MAN2C1: variants seen among roughly 807,000 people sequenced by gnomAD.
The protein encoded by MAN2C1 is mannosidase alpha class 2C member 1.
Under a neutral mutation model 126.9 loss-of-function variants are expected in MAN2C1, and 111 were observed. The ratio of observed to expected loss-of-function variants is 0.87; its 90% CI spans 0.75 to 1.02. The LOEUF (loss-of-function observed/expected upper bound fraction) is 1.02, where lower values mean the gene tolerates loss of function less well. MAN2C1 is among the 50% of genes least tolerant of loss of function. MAN2C1 has a pLI of 0.00. For synonymous variants in MAN2C1, 567 were observed against 561.5 expected, an observed-to-expected ratio of 1.01 and a Z score of -0.14; for missense variants, 1,363 against 1,364.4, an observed-to-expected ratio of 1.00 and a Z score of 0.02.
Position 75,362,553 on chromosome 15 carries a change from C to T in MAN2C1, c.897+89G>A. ...GTGTGGCTGAGGGTGAGGAGCAGCCCTGACCCCAGGCCTGGGAAGCCTTCA... is the reference window on the plus strand; with the variant it reads ...GTGTGGCTGAGGGTGAGGAGCAGCCTTGACCCCAGGCCTGGGAAGCCTTCA... On this transcript the variant is annotated intron_variant, in intron 7 of 25. Transcript: ENST00000267978. The surrounding 1 kb of genome is among the most constrained non-coding windows in gnomAD (Gnocchi z 4.5). 6.5e-7 allele frequency: 1 copy of T among 1,535,480 alleles called. No individual in the cohort carries two copies. Among genetic ancestry groups the T allele is most frequent in the Middle Eastern group, 1.8e-4 (1 of 5,620 alleles).
Position 75,360,609 on chromosome 15 carries a change from G to A in MAN2C1, c.1540C>T (p.Leu514Phe), listed in dbSNP as rs1357899986. The change falls in exon 13 of 26, where the codon CTC becomes TTC. Residue 514 changes from leucine (L) to phenylalanine (F), a missense_variant. By Grantham distance (22) the Leu-to-Phe change is conservative. This residue lies in a region of MAN2C1 where 67 missense variants were observed against 104.5 expected (regional missense o/e 0.64). Transcript: ENST00000267978. ...SEQLCTWVGE[L>F]FLELHNGTYT... ...GTGCCATTGTGCAGCTCCAAGAAGA[G>A]CTCCCCAACCCACGTGCACAGCTGC... is the stretch of plus-strand genomic sequence containing the variant. 2 of 1,613,884 alleles carry A rather than the reference G, an allele frequency of 1.2e-6. No homozygotes were observed. Among genetic ancestry groups the A allele is most frequent in the Non-Finnish European group, 1.7e-6 (2 of 1,179,984 alleles).
At position 75,367,501 on chromosome 15, in the gene MAN2C1, G is replaced by A; in HGVS notation, c.351+10C>T. Reference sequence around the variant, plus strand: ...GTGGCCATACCTGGCCCTAGGACAGGGTTCCTCACCTGGACAGGTTCTCCA... The same window carrying A: ...GTGGCCATACCTGGCCCTAGGACAGAGTTCCTCACCTGGACAGGTTCTCCA... On this transcript the variant is annotated intron_variant, in intron 3 of 25. Coordinates refer to ENST00000267978, the MANE Select transcript of MAN2C1 (RefSeq NM_006715.4). 1 of 1,613,568 alleles carries A rather than the reference G, an allele frequency of 6.2e-7. No individual in the cohort carries two copies. Among genetic ancestry groups the A allele is most frequent in the South Asian group, 1.1e-5 (1 of 91,052 alleles).
intron 18 of MAN2C1, 28 bp downstream of exon 18, chr15:75,359,031 C>T: frequency 6.2e-7 from 1 of 1,611,934 alleles, no homozygotes; most frequent in East Asian, 2.2e-5. Flanking sequence ...TTGCCAGGCA[C>T]TGGGAAAGGG....
intron 21 of MAN2C1, 130 bp from the exon 22 acceptor site, chr15:75,357,032 CG>C: frequency 4.2e-6 from 3 of 719,630 alleles, no homozygotes; most frequent in East Asian, 2.7e-5. Flanking sequence ...TCCCACTGTA[CG>C]GGGCCCTGGG....
chr15:75,361,569 C>G lies in MAN2C1; in HGVS notation c.1218+35G>C. ...CAAATGGGCCAGGCGGGACTGAGGC[C>G]CACTCTGACCCTGACCCCCCGGGGG... is the stretch of plus-strand genomic sequence containing the variant. On this transcript the variant is annotated intron_variant, in intron 10 of 25. Transcript: ENST00000267978. The surrounding 1 kb of genome is among the most constrained non-coding windows in gnomAD (Gnocchi z 5.0). 6.5e-7 allele frequency: 1 copy of G among 1,532,252 alleles called. No individual in the cohort carries two copies. Among genetic ancestry groups the G allele is most frequent in the Non-Finnish European group, 9.0e-7 (1 of 1,105,966 alleles). 94.9% of individuals were successfully genotyped at this position (1,532,252 alleles called of 1,614,324 possible).
In MAN2C1 at chr15:75,364,087, G is replaced by A. The variant is rs1326399999; in HGVS notation, c.702C>T (p.Ala234=). ...CAAAGAACCTGGAGGCCAGGGCCTG[G>A]GCCACTGGGAAGGTCTCGGGCTGGG... The part of the protein sequence containing the change: ...DPAQPETFPV[A]QALASRFFGQ... The change falls in exon 6 of 26, where the codon GCC becomes GCT. Residue 234 remains alanine, a synonymous_variant. Coordinates refer to ENST00000267978, the MANE Select transcript of MAN2C1 (RefSeq NM_006715.4). 1.2e-6 allele frequency: 2 copies of A among 1,614,082 alleles called. No individual in the cohort carries two copies. The highest frequency in any genetic ancestry group is 1.7e-6 in the Non-Finnish European group (2 of 1,180,026).
At position 75,360,564 on chromosome 15, in the gene MAN2C1, C is replaced by G; in HGVS notation, c.1584+1G>C. The G allele has an allele frequency of 1.9e-6, 3 of 1,613,628 alleles. No individual in the cohort carries two copies. Among genetic ancestry groups the G allele is most frequent in the South Asian group, 1.1e-5 (1 of 91,066 alleles). On this transcript the variant is annotated splice_donor_variant, in intron 13 of 25. Transcript: ENST00000267978. LOFTEE classifies it high-confidence loss of function. ...GCACAGCCCTGCAACCTCCCCCTGA[C>G]CTGGGCATGGGTGGTGTATGTGCCA... is the stretch of plus-strand genomic sequence containing the variant.
chr15:75,368,199 C>CTGCG lies in MAN2C1; in HGVS notation c.102-5_102-2dup. On this transcript the variant is annotated splice_acceptor_variant, in intron 1 of 25. Coordinates refer to ENST00000267978, the MANE Select transcript of MAN2C1 (RefSeq NM_006715.4). LOFTEE classifies it high-confidence loss of function. ...CACAGGGCAGCTGGCCCCAAAAAGC[C>CTGCG]TGCGTGGGACGGGCCGGTGGGCACA... The CTGCG allele has an allele frequency of 1.2e-6, 2 of 1,601,990 alleles. No homozygotes were observed. The highest frequency in any genetic ancestry group is 1.7e-6 in the Non-Finnish European group (2 of 1,176,618).
At chr15:75,363,639 C>A (rs1331352820) in intron 6 of MAN2C1, 1 of 332,384 alleles carries the variant, frequency 3.0e-6, no homozygotes. Flanking sequence ...AACCCCGTCT[C>A]TACTAAAAAT....
chr15:75,358,999 G>C, intron 18 of MAN2C1, 60 bp downstream of exon 18: 1 of 1,601,354 alleles, frequency 6.2e-7, no homozygotes, highest in Admixed American at 1.7e-5. Context: ...CAAGGGGAGA[G>C]AGGAAATGGC....
chr15:75,368,463 CG>C lies in MAN2C1; in HGVS notation c.101+19del. ...GCGCACGGTTGCGGTCGGCCGGCTGCGGGGGACCAGGGGCCACACCTGCCGC... is the reference window on the plus strand; with the variant it reads ...GCGCACGGTTGCGGTCGGCCGGCTGCGGGGACCAGGGGCCACACCTGCCGC... On this transcript the variant is annotated intron_variant, in intron 1 of 25. Coordinates refer to ENST00000267978, the MANE Select transcript of MAN2C1 (RefSeq NM_006715.4). 3 of 1,542,514 alleles carry C rather than the reference CG, an allele frequency of 1.9e-6. No individual in the cohort carries two copies. Among genetic ancestry groups the C allele is most frequent in the East Asian group, 2.5e-5 (1 of 40,754 alleles).
At chr15:75,358,391 C>G in intron 20 of MAN2C1, 47 bp from the exon 21 acceptor site, 5 of 1,613,646 alleles carry the variant, frequency 3.1e-6, no homozygotes, top group Non-Finnish European at 4.2e-6. Context: ...AGAGACACAC[C>G]AAGGCCTGGG....
At chr15:75,360,447 C>T in intron 13 of MAN2C1, 118 bp downstream of exon 13, 2 of 1,450,326 alleles carry the variant, frequency 1.4e-6, no homozygotes, top group Non-Finnish European at 1.8e-6. Flanking sequence ...TTGAACTTCT[C>T]TCCTCCAAAC....
rs1332425779 is a variant in MAN2C1, at chr15:75,367,555, T to G, written c.307A>C (p.Ser103Arg). ...VGQEVHLCWE[S>R]DGEGLVWRDG... is the part of the protein sequence containing the mutation. ...CGCCACACCAGACCTTCTCCATCAC[T>G]TTCCCAGCAAAGGTGAACTTCCTGG... Residue 103 changes from serine to arginine, a missense_variant, in exon 3 of 26, where the codon AGT becomes CGT. Coordinates refer to ENST00000267978, the MANE Select transcript of MAN2C1 (RefSeq NM_006715.4). 1 of 1,614,054 alleles carries G rather than the reference T, an allele frequency of 6.2e-7. No homozygotes were observed. Among genetic ancestry groups the G allele is most frequent in the Non-Finnish European group, 8.5e-7 (1 of 1,180,036 alleles).
chr15:75,360,551 A>C lies in MAN2C1; in HGVS notation c.1584+14T>G. 1 of 1,613,064 alleles carries C rather than the reference A, an allele frequency of 6.2e-7. No individual in the cohort carries two copies. Among genetic ancestry groups the C allele is most frequent in the East Asian group, 2.2e-5 (1 of 44,876 alleles). On this transcript the variant is annotated intron_variant, in intron 13 of 25. Transcript: ENST00000267978. The stretch of plus-strand genomic sequence containing the variant: ...GCACACCCTCCCTGCACAGCCCTGC[A>C]ACCTCCCCCTGACCTGGGCATGGGT...
At chr15:75,365,928 T>TA (rs750370269) in intron 4 of MAN2C1, 1,273 of 382,924 alleles carry the variant, frequency 3.3e-3, no homozygotes, top group East Asian at 6.1e-3. Flanking sequence ...CTACCAAAAA[T>TA]AAAAAAAAAA....
chr15:75,368,108 G>A lies in MAN2C1; in HGVS notation c.192C>T (p.Phe64=). 6.2e-7 allele frequency: 1 copy of A among 1,607,532 alleles called. No individual in the cohort carries two copies. Among genetic ancestry groups the A allele is most frequent in the South Asian group, 1.1e-5 (1 of 90,066 alleles). ...LPYQEAVQRD[F]RPAQVGDSFG... is the part of the protein sequence containing the mutation. ...AGCTGTCGCCGACCTGCGCGGGGCG[G>A]AAGTCCCGCTGGACTGCCTCCTGGT... The change falls in exon 2 of 26, where the codon TTC becomes TTT. Residue 64 remains phenylalanine, a synonymous_variant. Transcript: ENST00000267978.
chr15:75,366,620 A>G (rs1353955658), intron 3 of MAN2C1, 28 bp from the exon 4 acceptor site: 11 of 1,557,796 alleles, frequency 7.1e-6, no homozygotes, highest in Non-Finnish European at 2.6e-6. Context: ...GAGAGAGACA[A>G]GGCTTGAGGC....
Position 75,362,808 on chromosome 15 carries a change from G to T in MAN2C1, c.791-60C>A. ...AGCAAGGCTGACCAGGCCTGGGCTG[G>T]GACTCCAGAGGGTCACCTAGCCCCC... On this transcript the variant is annotated intron_variant, in intron 6 of 25. Coordinates refer to ENST00000267978, the MANE Select transcript of MAN2C1 (RefSeq NM_006715.4). This position sits in a 1 kb window ranked among gnomAD's most constrained non-coding sequence, Gnocchi z 4.5. The T allele has an allele frequency of 1.4e-6, 2 of 1,418,138 alleles. No homozygotes were observed. The highest frequency in any genetic ancestry group is 9.9e-7 in the Non-Finnish European group (1 of 1,007,538). 87.8% of individuals were successfully genotyped at this position (1,418,138 alleles called of 1,614,324 possible). A position where few individuals can be genotyped will look rare whatever the true frequency, so the allele number is the denominator to read the frequency against.
Sources: gnomAD v4.1 joint callset for allele counts on GRCh38, gnomAD v4.1.1 for gene constraint, gnomAD v4.1.1 regional missense constraint, Gnocchi (gnomAD v3.1) non-coding constraint, MANE v1.5 for transcripts, NCBI Gene and HGNC (gene_info 2026-07-23, HGNC 2026-07-21) for gene names.